ACOXL: variants seen among roughly 807,000 people sequenced by gnomAD.
ACOXL encodes acyl-coenzyme A oxidase-like protein.
A neutral mutation model predicts 71.9 loss-of-function variants in ACOXL; 70 were observed. That is an observed-to-expected ratio of 0.97 (90% CI 0.80 to 1.19). ACOXL has a LOEUF of 1.19. Ranked by LOEUF, ACOXL falls within the 50% of genes most tolerant of loss-of-function variation. The probability of loss-of-function intolerance (pLI) is 0.00; values close to 1 mark genes in which losing one functional copy is unlikely to be tolerated. For synonymous variants in ACOXL, 253 were observed against 281.6 expected (o/e 0.90, Z 1.02); for missense variants, 703 against 736.3 (o/e 0.95, Z 0.52).
intron 1 of ACOXL, among the ~76,000 whole-genome samples, chr2:110,760,675 G>A (rs916990366): frequency 6.6e-6 from 1 of 152,208 alleles, no homozygotes; most frequent in Middle Eastern, 3.2e-3. Context: ...GCCAAGACAA[G>A]TGAGCTGTTC....
intron 14 of ACOXL, among the ~76,000 whole-genome samples, chr2:111,015,884 A>T (rs959850153): frequency 6.6e-6 from 1 of 152,182 alleles, no homozygotes; most frequent in African/African-American, 2.4e-5. Context: ...TTAATACTGT[A>T]TAATTCCATT....
At chr2:110,849,350 A>C (rs1186354971) in intron 10 of ACOXL, among the ~76,000 whole-genome samples, 2 of 152,196 alleles carry the variant, frequency 1.3e-5, no homozygotes, top group Admixed American at 1.3e-4. Flanking sequence ...CTTACTTTCA[A>C]AGACTAAGAC....
At chr2:110,787,478 G>A (rs938089629) in intron 3 of ACOXL, among the ~76,000 whole-genome samples, 1 of 150,334 alleles carries the variant, frequency 6.7e-6, no homozygotes, top group Non-Finnish European at 1.5e-5. Context: ...AGCTTGCAGT[G>A]GGCTGAGATG....
intron 10 of ACOXL, among the ~76,000 whole-genome samples, chr2:110,843,680 C>A (rs1691454366): frequency 6.6e-6 from 1 of 152,248 alleles, no homozygotes; most frequent in Non-Finnish European, 1.5e-5. Flanking sequence ...CCTCTTTAGG[C>A]TCCAGCCCCC....
At chr2:110,945,648 A>G (rs1026591037) in intron 12 of ACOXL, among the ~76,000 whole-genome samples, 1 of 152,034 alleles carries the variant, frequency 6.6e-6, no homozygotes, top group African/African-American at 2.4e-5. Context: ...AGATCAGGTG[A>G]TCAGAGGTGT....
chr2:110,845,792 A>G (rs1242957378), intron 10 of ACOXL, among the ~76,000 whole-genome samples: 1 of 152,228 alleles, frequency 6.6e-6, no homozygotes, highest in Non-Finnish European at 1.5e-5. Flanking sequence ...ATAATATTCC[A>G]TAGCATGTAT....
chr2:110,944,970 A>G (rs1313391436), intron 12 of ACOXL, among the ~76,000 whole-genome samples: 3 of 152,264 alleles, frequency 2.0e-5, no homozygotes, highest in Non-Finnish European at 2.9e-5. Context: ...CCAGCAGTGT[A>G]TAAGTGTTCC....
chr2:110,895,155 T>A (rs368018886), intron 10 of ACOXL, among the ~76,000 whole-genome samples: 1 of 151,822 alleles, frequency 6.6e-6, no homozygotes, highest in Non-Finnish European at 1.5e-5. Flanking sequence ...AAAAGAGAAA[T>A]GACAAACATG....
At position 110,811,401 on chromosome 2, in the gene ACOXL, G is replaced by A. The variant is rs111919559; in HGVS notation, c.753+6006G>A. On this transcript the variant is annotated intron_variant, in intron 9 of 17. Coordinates refer to ENST00000439055, the MANE Select transcript of ACOXL (RefSeq NM_001142807.4). ...TGAGCACAGTGGGACCTCTGCCTCC[G>A]CAGACAGTGTGGCATAACAGAGGGT... 3.9e-4 allele frequency among the ~76,000 whole-genome samples: 59 copies of A among 152,294 alleles called. 1 individual carries two copies. The highest frequency in any genetic ancestry group is 1.3e-3 in the African/African-American group (52 of 41,564).
intron 11 of ACOXL, among the ~76,000 whole-genome samples, chr2:110,926,268 A>G (rs1184613277): frequency 1.3e-5 from 2 of 152,256 alleles, no homozygotes; most frequent in African/African-American, 4.8e-5. Flanking sequence ...AGAATTGCTC[A>G]ATGCAAGGTT....
intron 11 of ACOXL, among the ~76,000 whole-genome samples, chr2:110,931,723 T>C (rs1205768972): frequency 6.6e-6 from 1 of 152,178 alleles, no homozygotes; most frequent in Non-Finnish European, 1.5e-5. Context: ...CATAAGGAGA[T>C]ACCATTACAT....
chr2:110,864,135 T>C (rs1694279158), intron 10 of ACOXL, among the ~76,000 whole-genome samples: 1 of 152,174 alleles, frequency 6.6e-6, no homozygotes, highest in Admixed American at 6.5e-5. Flanking sequence ...GCAGGCGCCA[T>C]GAGAGCCAAA....
intron 1 of ACOXL, among the ~76,000 whole-genome samples, chr2:110,758,635 G>T (rs1345106704): frequency 6.6e-6 from 1 of 152,006 alleles, no homozygotes; most frequent in Non-Finnish European, 1.5e-5. Context: ...CCAGCTCCTG[G>T]GTTCATTGAT....
intron 10 of ACOXL, among the ~76,000 whole-genome samples, chr2:110,856,502 G>A (rs1693264353): frequency 6.6e-6 from 1 of 152,210 alleles, no homozygotes; most frequent in South Asian, 2.1e-4. Flanking sequence ...GTAAAAAAGT[G>A]AAAGTTCTCG....
intron 11 of ACOXL, among the ~76,000 whole-genome samples, chr2:110,916,946 A>T (rs2059884049): frequency 6.6e-6 from 1 of 152,232 alleles, no homozygotes; most frequent in Admixed American, 6.5e-5. Context: ...ACCCAGGACC[A>T]GACAGATTCA....
chr2:110,827,604 A>C (rs1445961648), intron 9 of ACOXL, among the ~76,000 whole-genome samples: 1 of 152,102 alleles, frequency 6.6e-6, no homozygotes, highest in Non-Finnish European at 1.5e-5. Context: ...TGGCTGGAGG[A>C]AGGCAGCTCC....
At chr2:110,767,263 A>G (rs1015760654) in intron 1 of ACOXL, among the ~76,000 whole-genome samples, 1 of 152,190 alleles carries the variant, frequency 6.6e-6, no homozygotes, top group Non-Finnish European at 1.5e-5. Flanking sequence ...TTCATTGAGA[A>G]GTGGGCACCA....
chr2:110,944,202 G>A (rs753370428), intron 12 of ACOXL, among the ~76,000 whole-genome samples: 116 of 152,104 alleles, frequency 7.6e-4, no homozygotes, highest in Non-Finnish European at 1.5e-4. Flanking sequence ...TAGCTGGCAC[G>A]TACCACCACA....
chr2:110,814,349 C>G (rs1687677472), intron 9 of ACOXL, among the ~76,000 whole-genome samples: 7 of 151,990 alleles, frequency 4.6e-5, no homozygotes, highest in Admixed American at 4.6e-4. Context: ...TGAGTTGATC[C>G]AGCCTTTTCA....
Sources: allele counts gnomAD v4.1 joint callset (sites outside exome capture counted in the v4.1 genomes callset), GRCh38; gene constraint gnomAD v4.1.1; transcripts MANE v1.5; gene names NCBI Gene and HGNC (gene_info 2026-07-23, HGNC 2026-07-21).